ZNF185: variants seen among roughly 807,000 people sequenced by gnomAD.
ZNF185 encodes zinc finger protein 185 with LIM domain.
A neutral mutation model predicts 58.6 loss-of-function variants in ZNF185; 56 were observed. The ratio of observed to expected loss-of-function variants is 0.95; its 90% confidence interval spans 0.77 to 1.19. ZNF185 has a LOEUF of 1.19. Ranked by LOEUF, ZNF185 falls within the 50% of genes most tolerant of loss-of-function variation. The probability of loss-of-function intolerance (pLI) is 0.00; values close to 1 mark genes in which losing one functional copy is unlikely to be tolerated. For missense variants in ZNF185, 627 were observed against 573.5 expected, an observed-to-expected ratio of 1.09 and a Z score of -0.95; for synonymous variants, 230 against 215.9, an observed-to-expected ratio of 1.07 and a Z score of -0.57.
intron 6 of ZNF185, among the ~76,000 whole-genome samples, 181 bp from the exon 8 acceptor site, chrX:152,918,802 G>A (rs1556867789): frequency 9.0e-6 from 1 of 111,576 alleles, no homozygotes; most frequent in African/African-American, 3.3e-5. Context: ...ACCTTTCTGG[G>A]GAAGGGGAGA....
In ZNF185 at chrX:152,920,324, C is replaced by T. The variant is rs782269790; in HGVS notation, c.531-4C>T. 3 of 1,208,186 alleles carry T rather than the reference C, an allele frequency of 2.5e-6. No homozygotes were observed. In the African/African-American group the frequency reaches 5.2e-5, roughly 21 times the overall value. On this transcript the variant is annotated splice_polypyrimidine_tract_variant and splice_region_variant and intron_variant, in intron 7 of 22. Transcript: ENST00000449285. ...AGATGCTCCCCCATCCCGTGTCACCCCAGGTCAGAGGCTGCAAGCGGTGTT... is the reference window on the plus strand; with the variant it reads ...AGATGCTCCCCCATCCCGTGTCACCTCAGGTCAGAGGCTGCAAGCGGTGTT...
chrX:152,959,945 T>G lies in ZNF185; in HGVS notation c.1607+49T>G, dbSNP rs371041437. ...CCTTACCTGCTAGAGCCAGTGTTTT[T>G]GTCCAGGGCAGCAACCCAGGACAAA... On this transcript the variant is annotated intron_variant, in intron 17 of 22. Coordinates refer to ENST00000449285, the Ensembl canonical transcript of ZNF185. The G allele has an allele frequency of 1.2e-5, 14 of 1,141,901 alleles. No individual in the cohort carries two copies. The South Asian group carries it at 2.2e-4, about 18-fold the overall frequency. The allele number at this position is 1,141,901 out of a possible 1,213,427, so 94.1% of individuals were successfully genotyped here.
intron 14 of ZNF185, 146 bp from the exon 17 acceptor site, chrX:152,937,928 C>A (rs1409621857): frequency 2.0e-6 from 1 of 512,466 alleles, no homozygotes; most frequent in Non-Finnish European, 3.2e-6. Context: ...GCATCGGTGC[C>A]ACACTAATGC....
At chrX:152,933,104 A>T in intron 14 of ZNF185, 133 bp downstream of exon 15, 1 of 411,363 alleles carries the variant, frequency 2.4e-6, no homozygotes. Flanking sequence ...CTTCTCCCAC[A>T]CTCCCACATT....
At chrX:152,928,769 G>A (rs1556874905) in intron 12 of ZNF185, 108 bp downstream of exon 13, 3 of 791,474 alleles carry the variant, frequency 3.8e-6, no homozygotes, top group East Asian at 3.4e-5. Flanking sequence ...TGCCACTGTA[G>A]GGCCAACAGG....
At chrX:152,943,853 G>A (rs1164345713) in intron 15 of ZNF185, among the ~76,000 whole-genome samples, 1 of 113,164 alleles carries the variant, frequency 8.8e-6, no homozygotes, top group Non-Finnish European at 1.9e-5. Flanking sequence ...ACAGTAGGGA[G>A]ACAAGCTCTT....
chrX:152,927,091 G>C (rs1940999496), intron 11 of ZNF185, among the ~76,000 whole-genome samples: 1 of 112,518 alleles, frequency 8.9e-6, no homozygotes, highest in African/African-American at 3.2e-5. Flanking sequence ...CTCTGTGACA[G>C]AGCCAGAAAC....
At chrX:152,958,281 G>A (rs1256608143) in intron 16 of ZNF185, among the ~76,000 whole-genome samples, 2 of 111,476 alleles carry the variant, frequency 1.8e-5, no homozygotes, top group African/African-American at 6.5e-5. Context: ...TAAGGAGTTT[G>A]GCTGCTGGAA....
Position 152,927,445 on chromosome X carries a change from C to T in ZNF185, c.831-1130C>T. On this transcript the variant is annotated intron_variant, in intron 11 of 22. Transcript: ENST00000449285. ...TCCATGGCTCATTCCTTGCTTTCACCTTGGCCACTCCATCCCCTACCCCTC... is the reference window on the plus strand; with the variant it reads ...TCCATGGCTCATTCCTTGCTTTCACTTTGGCCACTCCATCCCCTACCCCTC... Among the ~76,000 whole-genome samples the T allele has an allele frequency of 2.7e-5, 3 of 111,650 alleles. No individual in the cohort carries two copies. In the East Asian group the frequency reaches 8.5e-4, roughly 32 times the overall value.
intron 16 of ZNF185, among the ~76,000 whole-genome samples, chrX:152,954,802 C>T (rs782050628): frequency 2.1e-4 from 23 of 111,654 alleles, no homozygotes; most frequent in African/African-American, 5.9e-4. Context: ...AGGTGCAGGA[C>T]GCAGGTACAT....
intron 15 of ZNF185, 66 bp downstream of exon 17, chrX:152,938,229 T>C (rs2046587757): frequency 9.4e-7 from 1 of 1,063,710 alleles, no homozygotes; most frequent in South Asian, 2.1e-5. Flanking sequence ...TGTGTGTCCA[T>C]TGGCCTTTGG....
chrX:152,943,618 A>G (rs2047483491), intron 15 of ZNF185, among the ~76,000 whole-genome samples: 2 of 112,616 alleles, frequency 1.8e-5, no homozygotes, highest in Non-Finnish European at 3.8e-5. Flanking sequence ...CACATAGGTC[A>G]TATGTCCTAA....
intron 3 of ZNF185, 95 bp downstream of exon 4, chrX:152,915,298 A>G: frequency 1.1e-6 from 1 of 926,970 alleles, no homozygotes; most frequent in Non-Finnish European, 1.5e-6. Flanking sequence ...GGCAGTCCAC[A>G]GGGGACAGGG....
chrX:152,949,678 G>T (rs1461572660), intron 16 of ZNF185, among the ~76,000 whole-genome samples: 1 of 112,007 alleles, frequency 8.9e-6, no homozygotes, highest in Non-Finnish European at 1.9e-5. Flanking sequence ...TGGATAACTA[G>T]CCTGGAGTTC....
At chrX:152,941,577 C>A in intron 15 of ZNF185, 3 of 1,031,983 alleles carry the variant, frequency 2.9e-6, no homozygotes, top group Non-Finnish European at 3.8e-6. Flanking sequence ...CCAGCGTACG[C>A]GACGCGTGCG....
the ZNF185 span, among the ~76,000 whole-genome samples, chrX:152,901,273 G>A: frequency 1.1e-5 from 1 of 94,691 alleles, no homozygotes; most frequent in Non-Finnish European, 2.1e-5. Flanking sequence ...CTGGGGTCTC[G>A]CCTTGTCACC....
At chrX:152,943,757 C>A (rs782747475) in intron 15 of ZNF185, among the ~76,000 whole-genome samples, 1 of 112,964 alleles carries the variant, frequency 8.9e-6, no homozygotes, top group Non-Finnish European at 1.9e-5. Flanking sequence ...TTGGTGAGGG[C>A]AACCTCTACT....
At chrX:152,928,725 T>G in intron 12 of ZNF185, 64 bp downstream of exon 13, 1 of 1,115,158 alleles carries the variant, frequency 9.0e-7, no homozygotes, top group Non-Finnish European at 1.2e-6. Context: ...AGCAGCAGCC[T>G]CAGGTGGCAA....
At chrX:152,916,525 G>A (rs1338892911) in intron 3 of ZNF185, among the ~76,000 whole-genome samples, 1 of 112,011 alleles carries the variant, frequency 8.9e-6, no homozygotes, top group African/African-American at 3.2e-5. Flanking sequence ...AGGCCTGGCC[G>A]CGCCCTCTCG....
Sources: gnomAD v4.1 joint callset for allele counts (sites outside exome capture counted in the v4.1 genomes callset) on GRCh38, gnomAD v4.1.1 for gene constraint, MANE v1.5 for transcripts, NCBI Gene and HGNC (gene_info 2026-07-23, HGNC 2026-07-21) for gene names.